Variants in TIAM2 observed in about 807,000 individuals in gnomAD.
TIAM2 encodes rho guanine nucleotide exchange factor TIAM2.
In TIAM2, 80 loss-of-function variants were observed where a neutral mutation model predicts 152.9. That is an observed-to-expected ratio of 0.52 (90% confidence interval 0.44 to 0.63). The LOEUF (loss-of-function observed/expected upper bound fraction) is 0.63. Among genes scored for constraint, TIAM2 ranks in the 30% least tolerant of loss-of-function variants. The pLI, the probability that TIAM2 is intolerant of heterozygous loss-of-function variation, is 0.00. For synonymous variants in TIAM2, 804 were observed against 838.0 expected, an observed-to-expected ratio of 0.96 and a Z score of 0.70; for missense variants, 1,965 against 2,120.1, an observed-to-expected ratio of 0.93 and a Z score of 1.44.
chr6:155,097,412 G>A (rs1778439196), intron 2 of TIAM2, among the ~76,000 whole-genome samples: 1 of 152,164 alleles, frequency 6.6e-6, no homozygotes, highest in African/African-American at 2.4e-5. Flanking sequence ...TGCAATCACA[G>A]CTCACTGCAG....
chr6:155,185,533 TATTTATTG>T (rs1781023883), intron 14 of TIAM2, among the ~76,000 whole-genome samples: 2 of 109,004 alleles, frequency 1.8e-5, no homozygotes, highest in South Asian at 3.0e-4. Flanking sequence ...TTTATTTATT[TATTTATTG>T]GCAAGGAAAC....
chr6:155,163,421 A>T (rs1288979488), intron 7 of TIAM2, among the ~76,000 whole-genome samples: 2 of 152,178 alleles, frequency 1.3e-5, no homozygotes, highest in Non-Finnish European at 2.9e-5. Context: ...AATGCATTTT[A>T]TATCTTTGGG....
At chr6:155,128,990 T>G (rs935923694) in intron 3 of TIAM2, among the ~76,000 whole-genome samples, 1 of 152,184 alleles carries the variant, frequency 6.6e-6, no homozygotes, top group Non-Finnish European at 1.5e-5. Context: ...GAATAATGTC[T>G]TTAAAATAAT....
chr6:155,054,409 A>G (rs1041496833), intron 1 of TIAM2, among the ~76,000 whole-genome samples: 3 of 152,154 alleles, frequency 2.0e-5, no homozygotes, highest in African/African-American at 7.2e-5. Context: ...TCTTGGCACT[A>G]AGTAATAGTC....
intron 14 of TIAM2, among the ~76,000 whole-genome samples, chr6:155,191,134 C>T (rs1178342081): frequency 1.3e-5 from 2 of 152,120 alleles, no homozygotes; most frequent in Non-Finnish European, 2.9e-5. Context: ...GAAGGGTAAA[C>T]GGTGACAGCT....
chr6:155,146,008 A>C (rs1191015462), intron 6 of TIAM2, among the ~76,000 whole-genome samples: 2 of 152,242 alleles, frequency 1.3e-5, no homozygotes, highest in Non-Finnish European at 2.9e-5. Context: ...ACAAACAACA[A>C]CAACAAAAAG....
At chr6:155,020,066 A>G (rs763911366) in intron 1 of TIAM2, among the ~76,000 whole-genome samples, 6 of 150,544 alleles carry the variant, frequency 4.0e-5, no homozygotes, top group Non-Finnish European at 5.9e-5. Context: ...AAAAAAAGGC[A>G]GCGAGGTAGG....
At chr6:155,128,684 G>C (rs1470652542) in intron 3 of TIAM2, among the ~76,000 whole-genome samples, 2 of 143,170 alleles carry the variant, frequency 1.4e-5, no homozygotes, top group African/African-American at 5.5e-5. Flanking sequence ...AACAGAGTGA[G>C]ACCCCATATC....
chr6:155,058,842 G>T (rs544559988), intron 1 of TIAM2, among the ~76,000 whole-genome samples: 36 of 152,228 alleles, frequency 2.4e-4, no homozygotes, highest in African/African-American at 8.4e-4. Context: ...AGCCCCTGTA[G>T]GCTGATAGTT....
chr6:155,132,626 A>G (rs1385796101), intron 4 of TIAM2, among the ~76,000 whole-genome samples: 1 of 152,192 alleles, frequency 6.6e-6, no homozygotes, highest in Non-Finnish European at 1.5e-5. Flanking sequence ...ACTGATCCCC[A>G]CTGAGCATAA....
chr6:155,085,102 T>A (rs946796584), intron 1 of TIAM2, among the ~76,000 whole-genome samples: 1 of 152,118 alleles, frequency 6.6e-6, no homozygotes, highest in Non-Finnish European at 1.5e-5. Flanking sequence ...GGAGTTACAT[T>A]TCTCACTCCC....
rs111880661 is a variant in TIAM2, at chr6:155,256,989, C to T, written c.4974C>T (p.Ser1658=). 1.4e-4 allele frequency: 232 copies of T among 1,614,102 alleles called. No homozygotes were observed. The African/African-American group carries it at 2.7e-3, about 19-fold the overall frequency. ...TCAAGGCGCAGATCCGTCACCAGTC[C>T]CTTGACAGTCAGTCTGAAAATGCCA... ...TLLKAQIRHQ[S]LDSQSENATI... The change falls in exon 27 of 27, where the codon TCC becomes TCT. Residue 1658 remains serine (S), a synonymous_variant. Transcript: ENST00000682666.
chr6:155,079,164 C>T (rs946719226), intron 1 of TIAM2, among the ~76,000 whole-genome samples: 6 of 152,016 alleles, frequency 3.9e-5, no homozygotes, highest in South Asian at 2.1e-4. Context: ...TGGGTTCAAG[C>T]GATTCTCCCA....
chr6:155,155,909 G>A (rs1203647136), intron 7 of TIAM2, among the ~76,000 whole-genome samples: 6 of 152,230 alleles, frequency 3.9e-5, no homozygotes, highest in African/African-American at 1.4e-4. Flanking sequence ...CTCAGTGACA[G>A]TGGCACTGCT....
intron 1 of TIAM2, among the ~76,000 whole-genome samples, chr6:155,088,057 T>C (rs961570128): frequency 6.1e-5 from 9 of 148,306 alleles, no homozygotes; most frequent in Admixed American, 2.0e-4. Context: ...TCTTTCTTTT[T>C]TTTTTTTTTT....
rs1017922839 is a variant in TIAM2, at chr6:154,995,398, T to A, written c.-303T>A. ...AGAACAAAGTGACCCCCAGAACTTC[T>A]CCAACTCCTCCCGGCGTTCCCGCGA... On this transcript the variant is annotated 5_prime_UTR_variant, in exon 1 of 27. Coordinates refer to ENST00000682666, the MANE Select transcript of TIAM2 (RefSeq NM_012454.4). The surrounding 1 kb of genome is among the most constrained non-coding windows in gnomAD (Gnocchi z 5.2). The A allele has an allele frequency of 1.3e-5, 2 of 150,920 alleles. No individual in the cohort carries two copies. The highest frequency in any genetic ancestry group is 4.8e-5 in the African/African-American group (2 of 41,314). The allele number at this position is 150,920 out of a possible 1,614,324, so 9.3% of individuals were successfully genotyped here. A position where few individuals can be genotyped will look rare whatever the true frequency, so the allele number is the denominator to read the frequency against.
chr6:155,094,794 G>T (rs1314944197), intron 2 of TIAM2, among the ~76,000 whole-genome samples: 1 of 150,856 alleles, frequency 6.6e-6, no homozygotes, highest in Non-Finnish European at 1.5e-5. Context: ...TGTTGCCCAG[G>T]CTGGTCTTGA....
intron 14 of TIAM2, among the ~76,000 whole-genome samples, chr6:155,194,951 T>C (rs1324247127): frequency 2.0e-5 from 3 of 152,184 alleles, no homozygotes; most frequent in Non-Finnish European, 4.4e-5. Flanking sequence ...CACTGATTCT[T>C]CTTGCTGCCA....
intron 1 of TIAM2, among the ~76,000 whole-genome samples, chr6:155,053,026 C>A (rs1777354240): frequency 6.6e-6 from 1 of 152,076 alleles, no homozygotes; most frequent in Admixed American, 6.6e-5. Context: ...TTTCTTAAAG[C>A]AACGTGCAGG....
Sources: gnomAD v4.1 joint callset for allele counts (sites outside exome capture counted in the v4.1 genomes callset) on GRCh38, gnomAD v4.1.1 for gene constraint, Gnocchi (gnomAD v3.1) non-coding constraint, MANE v1.5 for transcripts, NCBI Gene and HGNC (gene_info 2026-07-23, HGNC 2026-07-21) for gene names.